The following CBLB variants were observed in gnomAD, a reference collection of about 807,000 sequenced individuals.
CBLB encodes E3 ubiquitin-protein ligase CBL-B.
Under a neutral mutation model 104.9 loss-of-function variants are expected in CBLB, and 31 were observed. The observed-to-expected ratio is 0.30, with a 90% CI of 0.22 to 0.40. The LOEUF is 0.40. CBLB is among the 10% of genes least tolerant of loss of function. CBLB has a pLI of 1.00. For synonymous variants in CBLB, 440 were observed against 422.6 expected, an observed-to-expected ratio of 1.04 and a Z score of -0.51; for missense variants, 1,062 against 1,214.6, an observed-to-expected ratio of 0.87 and a Z score of 1.87.
intron 3 of CBLB, among the ~76,000 whole-genome samples, chr3:105,797,967 C>CT (rs1328034312): frequency 1.3e-5 from 2 of 152,236 alleles, no homozygotes; most frequent in Non-Finnish European, 2.9e-5. Context: ...GGTAGAAGCA[C>CT]TGCAAGGGCC....
intron 10 of CBLB, 50 bp downstream of exon 10, chr3:105,719,997 C>T (rs1320385362): frequency 7.2e-7 from 1 of 1,381,382 alleles, no homozygotes; most frequent in Non-Finnish European, 1.0e-6. Flanking sequence ...GCATCATTTC[C>T]TTTTCATATG....
intron 18 of CBLB, among the ~76,000 whole-genome samples, chr3:105,661,537 C>T (rs749689161): frequency 6.6e-6 from 1 of 152,096 alleles, no homozygotes; most frequent in African/African-American, 2.4e-5. Context: ...ACTTAGAAAA[C>T]AATTAACTTG....
At chr3:105,836,302 A>G (rs1384968852) in intron 3 of CBLB, among the ~76,000 whole-genome samples, 1 of 152,256 alleles carries the variant, frequency 6.6e-6, no homozygotes, top group Non-Finnish European at 1.5e-5. Context: ...ACCTGGATCA[A>G]AATAATTTAG....
At chr3:105,819,893 C>T (rs771226507) in intron 3 of CBLB, among the ~76,000 whole-genome samples, 5 of 152,078 alleles carry the variant, frequency 3.3e-5, no homozygotes, top group Admixed American at 2.0e-4. Context: ...CACCAGAGAC[C>T]GGTTTCATGG....
chr3:105,782,171 G>A (rs966876531), intron 3 of CBLB, among the ~76,000 whole-genome samples: 1 of 152,028 alleles, frequency 6.6e-6, no homozygotes, highest in Non-Finnish European at 1.5e-5. Context: ...AATAAAACTG[G>A]ATCCTTACCC....
At chr3:105,847,428 A>ACACCCC (rs373356636) in intron 3 of CBLB, among the ~76,000 whole-genome samples, 2 of 146,480 alleles carry the variant, frequency 1.4e-5, no homozygotes, top group African/African-American at 5.1e-5. Flanking sequence ...ACACACACAC[A>ACACCCC]CCCCATTTTG....
rs1477327226 is a variant in CBLB at position 105,867,325 on chromosome 3, TATTA to T, written c.168+81_168+84del. ...AGATTGTTGCCATAACAATGGTTGGTATTAATTAACAGTATAAATAAATCTGGAG... is the reference window on the plus strand; with the variant it reads ...AGATTGTTGCCATAACAATGGTTGGTATTAACAGTATAAATAAATCTGGAG... On this transcript the variant is annotated intron_variant, in intron 2 of 18. Transcript: ENST00000394030. 1.8e-5 allele frequency: 21 copies of T among 1,155,952 alleles called. No homozygotes were observed. In the East Asian group the frequency reaches 2.3e-4, roughly 13 times the overall value. The allele number at this position is 1,155,952 out of a possible 1,614,324, so 71.6% of individuals were successfully genotyped here.
At chr3:105,681,389 G>A in intron 16 of CBLB, 90 bp downstream of exon 16, 1 of 1,362,726 alleles carries the variant, frequency 7.3e-7, no homozygotes. Flanking sequence ...AACCCAGTGA[G>A]TCTGTGTTAT....
Position 105,655,908 on chromosome 3 carries a change from T to C in CBLB, c.*3062A>G, listed in dbSNP as rs893625601. ...ATTAAAAAATCACATTATGAAGAAA[T>C]CTTTGCAAGTGTTCTTGGTATATGA... is the stretch of plus-strand genomic sequence containing the variant. On this transcript the variant is annotated 3_prime_UTR_variant, in exon 19 of 19. Transcript: ENST00000394030. 3 of 225,622 alleles carry C rather than the reference T, an allele frequency of 1.3e-5. No homozygotes were observed. The highest frequency in any genetic ancestry group is 2.2e-5 in the African/African-American group (1 of 44,906). The allele number at this position is 225,622 out of a possible 1,614,324, so 14.0% of individuals were successfully genotyped here.
chr3:105,773,163 AAAG>A (rs1204474884), intron 4 of CBLB, among the ~76,000 whole-genome samples: 2 of 152,250 alleles, frequency 1.3e-5, no homozygotes, highest in East Asian at 3.8e-4. Context: ...ACAAGCGGAT[AAAG>A]AAAACATGGC....
chr3:105,786,038 C>T (rs1473694729), intron 3 of CBLB, among the ~76,000 whole-genome samples: 1 of 111,670 alleles, frequency 9.0e-6, no homozygotes, highest in African/African-American at 3.5e-5. Context: ...TCTATTCTCA[C>T]ACATAACACT....
rs1437970435 is a variant in CBLB, at chr3:105,754,521, G to GAGAGAGAGAGAGAA, written c.567-2904_567-2903insTTCTCTCTCTCTCT. ...AGAGAGAGAGAGAGAGAGAGAGAGA[G>GAGAGAGAGAGAGAA]ACAGAGAGAGAGAGAGAGAGAGAGA... On this transcript the variant is annotated intron_variant, in intron 4 of 18. Coordinates refer to ENST00000394030, the MANE Select transcript of CBLB (RefSeq NM_170662.5). Among the ~76,000 whole-genome samples the GAGAGAGAGAGAGAA allele has an allele frequency of 3.5e-5, 3 of 85,958 alleles. 1 individual carries two copies. The South Asian group carries it at 1.3e-3, about 37-fold the overall frequency. The allele number at this position is 85,958 out of a possible 152,430, so 56.4% of individuals were successfully genotyped here. A position where few individuals can be genotyped will look rare whatever the true frequency, so the allele number is the denominator to read the frequency against.
intron 2 of CBLB, among the ~76,000 whole-genome samples, chr3:105,866,851 T>G (rs2092455274): frequency 6.6e-6 from 1 of 152,124 alleles, no homozygotes. Flanking sequence ...TGTTTCAAAA[T>G]GGAATAGTAG....
At chr3:105,799,613 ATAT>A (rs771087048) in intron 3 of CBLB, among the ~76,000 whole-genome samples, 5 of 152,170 alleles carry the variant, frequency 3.3e-5, no homozygotes, top group Admixed American at 2.6e-4. Context: ...TTATACTCAT[ATAT>A]TTCCAAAATT....
rs1478767885 is a variant in CBLB, at chr3:105,668,613, G to A, written c.2689+1620C>T. ...GTTTTGTCATCAAATTATTTTGACTGGAATTACAGGCTACTCATGGATACA... is the reference window on the plus strand; with the variant it reads ...GTTTTGTCATCAAATTATTTTGACTAGAATTACAGGCTACTCATGGATACA... On this transcript the variant is annotated intron_variant, in intron 18 of 18. Transcript: ENST00000394030. Among the ~76,000 whole-genome samples, 3 of 152,090 alleles carry A rather than the reference G, an allele frequency of 2.0e-5. No individual in the cohort carries two copies. The East Asian group carries it at 5.8e-4, about 29-fold the overall frequency.
intron 10 of CBLB, among the ~76,000 whole-genome samples, chr3:105,708,678 G>A (rs920539379): frequency 3.3e-5 from 5 of 151,898 alleles, no homozygotes; most frequent in Middle Eastern, 3.2e-3. Flanking sequence ...AGGCCATGCA[G>A]TCTTGAAAAT....
Position 105,658,853 on chromosome 3 carries a change from C to T in CBLB, c.*117G>A, listed in dbSNP as rs747991513. 6.2e-5 allele frequency: 71 copies of T among 1,139,280 alleles called. No homozygotes were observed. Among genetic ancestry groups the T allele is most frequent in the Non-Finnish European group, 8.6e-5 (67 of 775,348 alleles). 70.6% of individuals were successfully genotyped at this position (1,139,280 alleles called of 1,614,324 possible). ...GAAGCTGCACTCCCAAGCCTCTTCTCAAGCTGCTACACGAGGAGGAGACAC... is the reference window on the plus strand; with the variant it reads ...GAAGCTGCACTCCCAAGCCTCTTCTTAAGCTGCTACACGAGGAGGAGACAC... On this transcript the variant is annotated 3_prime_UTR_variant, in exon 19 of 19. Transcript: ENST00000394030.
chr3:105,759,188 T>C (rs532660901), intron 4 of CBLB, among the ~76,000 whole-genome samples: 3 of 152,280 alleles, frequency 2.0e-5, no homozygotes, highest in South Asian at 2.1e-4. Flanking sequence ...GAGACTCAAA[T>C]TGGGTAGCTT....
intron 8 of CBLB, among the ~76,000 whole-genome samples, chr3:105,735,746 T>G (rs1576723717): frequency 6.6e-6 from 1 of 151,876 alleles, no homozygotes; most frequent in Non-Finnish European, 1.5e-5. Context: ...AGGTCAGGAG[T>G]TTGATCCTGA....
Sources: allele counts gnomAD v4.1 joint callset (sites outside exome capture counted in the v4.1 genomes callset), GRCh38; gene constraint gnomAD v4.1.1; transcripts MANE v1.5; gene names NCBI Gene and HGNC (gene_info 2026-07-23, HGNC 2026-07-21).